RASAL2: variants seen among roughly 807,000 people sequenced by gnomAD.
The protein encoded by RASAL2 is ras GTPase-activating protein nGAP.
A neutral mutation model predicts 128.9 loss-of-function variants in RASAL2; 58 were observed. The observed-to-expected ratio is 0.45, with a 90% CI of 0.36 to 0.56. The LOEUF is 0.56. Among genes scored for constraint, RASAL2 ranks in the 20% least tolerant of loss-of-function variants. RASAL2 has a pLI of 0.00. For synonymous variants in RASAL2, 561 were observed against 580.8 expected, an observed-to-expected ratio of 0.97 and a Z score of 0.49; for missense variants, 1,360 against 1,601.6, an observed-to-expected ratio of 0.85 and a Z score of 2.57.
Position 178,473,475 on chromosome 1 carries a change from C to T in RASAL2, c.*236C>T. On this transcript the variant is annotated 3_prime_UTR_variant, in exon 18 of 18. Coordinates refer to ENST00000367649, the MANE Select transcript of RASAL2 (RefSeq NM_170692.4). Reference sequence around the variant, plus strand: ...AGGGAACTTAGTTCTGGGCCATGTACAGAAAATATCACTGTAATATACCAA... The same window carrying T: ...AGGGAACTTAGTTCTGGGCCATGTATAGAAAATATCACTGTAATATACCAA... 5.4e-6 allele frequency: 3 copies of T among 551,170 alleles called. No homozygotes were observed. The highest frequency in any genetic ancestry group is 9.6e-6 in the Non-Finnish European group (3 of 312,440). 34.1% of individuals were successfully genotyped at this position (551,170 alleles called of 1,614,324 possible).
chr1:178,174,420 T>C (rs935039428), intron 1 of RASAL2, among the ~76,000 whole-genome samples: 3 of 152,118 alleles, frequency 2.0e-5, no homozygotes, highest in Admixed American at 6.6e-5. Flanking sequence ...CTGGAAAATT[T>C]AAAAAGCTTT....
Position 178,371,927 on chromosome 1 carries a change from T to C in RASAL2, c.458-18173T>C, listed in dbSNP as rs531483474. ...TTTTCCTGTCATTAAACACACTTCA[T>C]TATTCAGTGTTATCCTGGCTTTTTC... On this transcript the variant is annotated intron_variant, in intron 3 of 17. Transcript: ENST00000367649. Among the ~76,000 whole-genome samples the C allele has an allele frequency of 5.3e-5, 8 of 152,330 alleles. No homozygotes were observed. In the South Asian group the frequency reaches 1.7e-3, roughly 32 times the overall value.
rs986081816 is a variant in RASAL2 at position 178,474,343 on chromosome 1, A to G, written c.*1104A>G. 1 of 152,408 alleles carries G rather than the reference A, an allele frequency of 6.6e-6. No individual in the cohort carries two copies. The highest frequency in any genetic ancestry group is 1.9e-4 in the East Asian group (1 of 5,196). 9.4% of individuals were successfully genotyped at this position (152,408 alleles called of 1,614,324 possible). A position where few individuals can be genotyped will look rare whatever the true frequency, so the allele number is the denominator to read the frequency against. On this transcript the variant is annotated 3_prime_UTR_variant, in exon 18 of 18. Coordinates refer to ENST00000367649, the MANE Select transcript of RASAL2 (RefSeq NM_170692.4). ...CTCTATCCATTGTACTAGCAAATCT[A>G]TGGGGGGTAATTTTATCTCCATCTT...
At chr1:178,324,430 A>C (rs1443096275) in intron 3 of RASAL2, among the ~76,000 whole-genome samples, 1 of 152,012 alleles carries the variant, frequency 6.6e-6, no homozygotes, top group African/African-American at 2.4e-5. Context: ...AAAAAAAAGA[A>C]AAGAAATTTG....
chr1:178,186,687 A>C (rs1662314082), intron 1 of RASAL2, among the ~76,000 whole-genome samples: 3 of 151,498 alleles, frequency 2.0e-5, no homozygotes, highest in African/African-American at 4.8e-5. Flanking sequence ...ACCAGTTTTC[A>C]GTAATTTAAT....
At chr1:178,465,813 A>AG (rs1647614902) in intron 15 of RASAL2, 107 bp from the exon 16 acceptor site, 1 of 1,091,190 alleles carries the variant, frequency 9.2e-7, no homozygotes, top group African/African-American at 1.7e-5. Context: ...AAAAAAAAGA[A>AG]AAAAGAAAAA....
intron 3 of RASAL2, among the ~76,000 whole-genome samples, chr1:178,338,781 AGT>A (rs1436582905): frequency 1.3e-5 from 2 of 152,344 alleles, no homozygotes; most frequent in East Asian, 3.9e-4. Flanking sequence ...CGAACAAGGC[AGT>A]TATAGTCTCT....
intron 5 of RASAL2, among the ~76,000 whole-genome samples, chr1:178,433,839 C>T (rs536768660): frequency 6.6e-6 from 1 of 152,076 alleles, no homozygotes; most frequent in African/African-American, 2.4e-5. Context: ...ATCACTTGAA[C>T]CCAGGAGGCG....
At chr1:178,422,997 C>G (rs761871616) in intron 5 of RASAL2, among the ~76,000 whole-genome samples, 13 of 152,194 alleles carry the variant, frequency 8.5e-5, no homozygotes, top group Admixed American at 2.0e-4. Flanking sequence ...TTTCAAACCT[C>G]TTTAAAACTC....
At chr1:178,414,554 G>T (rs1364438959) in intron 4 of RASAL2, among the ~76,000 whole-genome samples, 2 of 151,910 alleles carry the variant, frequency 1.3e-5, no homozygotes, top group African/African-American at 4.8e-5. Context: ...CATGTGTAGA[G>T]GGAAGGGGAG....
intron 1 of RASAL2, among the ~76,000 whole-genome samples, chr1:178,209,980 T>C (rs1427793895): frequency 6.6e-6 from 1 of 152,160 alleles, no homozygotes; most frequent in Non-Finnish European, 1.5e-5. Context: ...CATTATCTTT[T>C]TAAATAACAC....
intron 3 of RASAL2, among the ~76,000 whole-genome samples, chr1:178,301,359 A>T (rs1164100719): frequency 6.6e-6 from 1 of 152,120 alleles, no homozygotes; most frequent in African/African-American, 2.4e-5. Context: ...GTTCTATGTA[A>T]ATTGAACTGG....
chr1:178,443,837 G>C (rs1676826552), intron 8 of RASAL2, among the ~76,000 whole-genome samples: 1 of 152,150 alleles, frequency 6.6e-6, no homozygotes, highest in South Asian at 2.1e-4. Flanking sequence ...ACAAAAACTA[G>C]TTGAGAGAGT....
chr1:178,137,923 A>G (rs1343328856), intron 1 of RASAL2, among the ~76,000 whole-genome samples: 2 of 152,132 alleles, frequency 1.3e-5, no homozygotes, highest in Non-Finnish European at 2.9e-5. Flanking sequence ...TCTGCGTCAT[A>G]TTTTATAGAG....
intron 1 of RASAL2, among the ~76,000 whole-genome samples, chr1:178,133,505 T>C (rs2102310687): frequency 6.6e-6 from 1 of 151,822 alleles, no homozygotes; most frequent in South Asian, 2.1e-4. Flanking sequence ...TTTTTTTAAA[T>C]TACTTTGTTT....
chr1:178,253,700 T>G (rs1044548056), intron 1 of RASAL2, among the ~76,000 whole-genome samples: 1 of 152,148 alleles, frequency 6.6e-6, no homozygotes, highest in South Asian at 2.1e-4. Flanking sequence ...AAGGTGCTCA[T>G]TGGGGGAGCT....
chr1:178,411,859 G>A (rs1360362152), intron 4 of RASAL2: 1 of 739,098 alleles, frequency 1.4e-6, no homozygotes, highest in Non-Finnish European at 2.5e-6. Flanking sequence ...CTGGGCCACA[G>A]GAGGAAATAG....
chr1:178,329,582 T>C (rs747385215), intron 3 of RASAL2, among the ~76,000 whole-genome samples: 1 of 152,154 alleles, frequency 6.6e-6, no homozygotes, highest in Non-Finnish European at 1.5e-5. Context: ...GATAGTAATA[T>C]TAGAGGCTGA....
intron 4 of RASAL2, 105 bp downstream of exon 4, chr1:178,390,311 A>AG: frequency 1.3e-6 from 1 of 753,400 alleles, no homozygotes; most frequent in Non-Finnish European, 2.1e-6. Context: ...TCTCTTCAAG[A>AG]ATTTCTTTAT....
Sources: allele counts gnomAD v4.1 joint callset (sites outside exome capture counted in the v4.1 genomes callset), GRCh38; gene constraint gnomAD v4.1.1; transcripts MANE v1.5; gene names NCBI Gene and HGNC (gene_info 2026-07-23, HGNC 2026-07-21).